Variants in FNDC3A observed in about 807,000 individuals in gnomAD.
FNDC3A encodes fibronectin type-III domain-containing protein 3A.
Under a neutral mutation model 148.9 loss-of-function variants are expected in FNDC3A, and 32 were observed. The observed-to-expected ratio is 0.21, with a 90% CI of 0.16 to 0.29. FNDC3A has a LOEUF of 0.29. Among genes scored for constraint, FNDC3A ranks in the 10% least tolerant of loss-of-function variants. The pLI is 1.00. For missense variants in FNDC3A, 1,191 were observed against 1,452.8 expected (o/e 0.82, Z 2.93); for synonymous variants, 472 against 473.6 (o/e 1.00, Z 0.04).
chr13:49,116,489 A>G (rs979393250), intron 4 of FNDC3A, among the ~76,000 whole-genome samples: 1 of 152,198 alleles, frequency 6.6e-6, no homozygotes, highest in Non-Finnish European at 1.5e-5. Flanking sequence ...AGGCAAATAA[A>G]AAGTGGATAA....
chr13:49,101,120 G>A (rs1879832306), intron 3 of FNDC3A, among the ~76,000 whole-genome samples: 1 of 152,060 alleles, frequency 6.6e-6, no homozygotes, highest in Admixed American at 6.6e-5. Context: ...TTTGATTTGT[G>A]CCCAAGGACA....
At chr13:49,132,008 G>A (rs768522149) in intron 5 of FNDC3A, among the ~76,000 whole-genome samples, 12 of 152,096 alleles carry the variant, frequency 7.9e-5, no homozygotes, top group African/African-American at 1.7e-4. Context: ...GGACCCCCAC[G>A]ACTTGCTTTT....
intron 2 of FNDC3A, among the ~76,000 whole-genome samples, chr13:49,061,323 C>CCTTCCCTTCT (rs1876680522): frequency 1.1e-3 from 4 of 3,654 alleles, no homozygotes; most frequent in African/African-American, 7.9e-3. Context: ...TCTTCTCTTC[C>CCTTCCCTTCT]CTTCCCTTCC....
chr13:49,149,255 G>C (rs561596469), intron 8 of FNDC3A, among the ~76,000 whole-genome samples: 2 of 151,794 alleles, frequency 1.3e-5, no homozygotes, highest in African/African-American at 4.8e-5. Context: ...GGAGTGGTGA[G>C]AGTAGGCATC....
intron 4 of FNDC3A, among the ~76,000 whole-genome samples, chr13:49,123,755 T>C (rs971260435): frequency 2.6e-5 from 4 of 151,974 alleles, no homozygotes; most frequent in African/African-American, 9.7e-5. Context: ...AAAAAGCTTA[T>C]CATTGGTCAT....
intron 4 of FNDC3A, among the ~76,000 whole-genome samples, chr13:49,126,023 TC>T (rs1474048507): frequency 6.6e-6 from 1 of 152,192 alleles, no homozygotes; most frequent in Non-Finnish European, 1.5e-5. Context: ...TTTTTCCTTT[TC>T]ACAACGTACT....
intron 3 of FNDC3A, chr13:49,110,269 G>C (rs1311100867): frequency 1.5e-6 from 2 of 1,354,344 alleles, no homozygotes; most frequent in East Asian, 2.5e-5. Context: ...CACGTGACTC[G>C]GTCAAAGGAT....
intron 19 of FNDC3A, among the ~76,000 whole-genome samples, chr13:49,196,243 T>C (rs1485166619): frequency 1.3e-5 from 2 of 152,204 alleles, no homozygotes; most frequent in Admixed American, 1.3e-4. Flanking sequence ...GCTTTTCTTT[T>C]GCTAATGAGC....
At chr13:49,058,150 T>G (rs1467486970) in intron 2 of FNDC3A, among the ~76,000 whole-genome samples, 1 of 152,090 alleles carries the variant, frequency 6.6e-6, no homozygotes, top group African/African-American at 2.4e-5. Flanking sequence ...GATTCACGTC[T>G]CCAACAACCG....
At chr13:49,037,257 A>G (rs779497019) in intron 2 of FNDC3A, among the ~76,000 whole-genome samples, 4 of 152,236 alleles carry the variant, frequency 2.6e-5, no homozygotes, top group Non-Finnish European at 5.9e-5. Flanking sequence ...TCACTGTTCT[A>G]TGCACTTATT....
intron 1 of FNDC3A, among the ~76,000 whole-genome samples, chr13:48,984,353 A>C (rs1427806550): frequency 3.3e-5 from 5 of 152,228 alleles, no homozygotes; most frequent in Non-Finnish European, 7.3e-5. Flanking sequence ...AGAAGGGAGC[A>C]TGCACAAGAA....
chr13:49,177,780 C>G (rs78714077), intron 13 of FNDC3A, among the ~76,000 whole-genome samples: 2,843 of 152,188 alleles, frequency 0.019, 92 homozygotes, highest in African/African-American at 0.063. Context: ...AAACATTATG[C>G]TAAAGAACCC....
chr13:49,187,462 G>A (rs1593726211), intron 16 of FNDC3A: 4 of 1,419,294 alleles, frequency 2.8e-6, no homozygotes, highest in Non-Finnish European at 4.0e-6. Flanking sequence ...TCTGTTAATG[G>A]ATGAACTGAA....
chr13:49,078,207 C>CAAA (rs2137788063), intron 3 of FNDC3A, among the ~76,000 whole-genome samples: 1 of 152,324 alleles, frequency 6.6e-6, no homozygotes, highest in South Asian at 2.1e-4. Context: ...TTATAAGTAG[C>CAAA]TTATATTTCA....
intron 14 of FNDC3A, among the ~76,000 whole-genome samples, chr13:49,180,318 G>GAT (rs893666469): frequency 6.4e-4 from 98 of 152,254 alleles, no homozygotes; most frequent in African/African-American, 2.0e-3. Flanking sequence ...AAAAAGCAAA[G>GAT]AAATTTTATT....
intron 3 of FNDC3A, among the ~76,000 whole-genome samples, chr13:49,091,256 G>A (rs539130694): frequency 6.7e-6 from 1 of 149,926 alleles, no homozygotes; most frequent in East Asian, 2.0e-4. Flanking sequence ...AAACAGAAAA[G>A]TATTGCCCAT....
At chr13:49,183,325 C>A (rs148580656) in intron 14 of FNDC3A, among the ~76,000 whole-genome samples, 5 of 152,294 alleles carry the variant, frequency 3.3e-5, no homozygotes, top group Admixed American at 3.3e-4. Context: ...AATCTTTGTC[C>A]TCCTGCCCCA....
intron 15 of FNDC3A, among the ~76,000 whole-genome samples, chr13:49,186,482 A>G (rs546361783): frequency 1.3e-5 from 2 of 152,378 alleles, no homozygotes; most frequent in Non-Finnish European, 2.9e-5. Flanking sequence ...CAAAGATCCC[A>G]TAAACTTGAC....
At chr13:49,009,029 A>C (rs1952282339) in intron 2 of FNDC3A, among the ~76,000 whole-genome samples, 1 of 152,156 alleles carries the variant, frequency 6.6e-6, no homozygotes, top group African/African-American at 2.4e-5. Flanking sequence ...AGTGTTGTAC[A>C]ACAGTTCTTC....
Sources: allele counts gnomAD v4.1 joint callset (sites outside exome capture counted in the v4.1 genomes callset), GRCh38; gene constraint gnomAD v4.1.1; transcripts MANE v1.5; gene names NCBI Gene and HGNC (gene_info 2026-07-23, HGNC 2026-07-21).